UIMC1: variants seen among roughly 807,000 people sequenced by gnomAD.
UIMC1 encodes the protein ubiquitin interaction motif containing 1, also known as BRCA1-A complex subunit RAP80.
Under a neutral mutation model 84.9 loss-of-function variants are expected in UIMC1, and 42 were observed. That is an observed-to-expected ratio of 0.49 (90% confidence interval 0.39 to 0.64). The LOEUF (loss-of-function observed/expected upper bound fraction) is 0.64, where lower values mean the gene tolerates loss of function less well. Ranked by LOEUF, UIMC1 falls within the 30% of genes least tolerant of loss-of-function variation. The pLI, the probability that UIMC1 is intolerant of heterozygous loss-of-function variation, is 0.00. For synonymous variants in UIMC1, 281 were observed against 293.0 expected, an observed-to-expected ratio of 0.96 and a Z score of 0.42; for missense variants, 825 against 847.6, an observed-to-expected ratio of 0.97 and a Z score of 0.33.
chr5:176,961,541 A>AG (rs1243412029), intron 6 of UIMC1, among the ~76,000 whole-genome samples: 139 of 28,322 alleles, frequency 4.9e-3, no homozygotes, highest in African/African-American at 0.022. Flanking sequence ...GAGGGAGGTG[A>AG]GGGGGGGTCA....
chr5:176,911,170 GAAAAGAAAA>G (rs1760150511), intron 11 of UIMC1, 132 bp downstream of exon 11: 8 of 187,752 alleles, frequency 4.3e-5, no homozygotes, highest in African/African-American at 2.5e-4. Flanking sequence ...GAAAAGAAAA[GAAAAGAAAA>G]TTCAGGCATC....
chr5:177,011,857 G>A (rs1419218114), intron 1 of UIMC1, among the ~76,000 whole-genome samples: 3 of 151,456 alleles, frequency 2.0e-5, no homozygotes, highest in Non-Finnish European at 4.4e-5. Context: ...CTGGAGTGCA[G>A]TGGCACAATC....
At chr5:176,997,165 C>A (rs1050311729) in intron 1 of UIMC1, among the ~76,000 whole-genome samples, 1 of 152,004 alleles carries the variant, frequency 6.6e-6, no homozygotes, top group African/African-American at 2.4e-5. Context: ...TTTTTCATAT[C>A]CAATTCATCC....
intron 10 of UIMC1, 89 bp downstream of exon 10, chr5:176,943,246 G>A (rs1024980684): frequency 6.9e-7 from 1 of 1,442,952 alleles, no homozygotes; most frequent in Non-Finnish European, 9.2e-7. Context: ...TTGAAGAACA[G>A]CTATGTTTTT....
chr5:176,944,646 C>G (rs765891064), intron 9 of UIMC1, among the ~76,000 whole-genome samples: 6 of 152,190 alleles, frequency 3.9e-5, no homozygotes, highest in Non-Finnish European at 8.8e-5. Flanking sequence ...AACTTCAATG[C>G]ATAGAAAATG....
Position 176,905,463 on chromosome 5 carries a change from C to G in UIMC1, c.1979G>C (p.Gly660Ala). ...RVPSPGMEEA[G>A]CSREMQSSFT... is the part of the protein sequence containing the mutation. The stretch of plus-strand genomic sequence containing the variant: ...AGAACTCTGCATCTCTCTGCTGCAG[C>G]CTGCCTCTTCCATCCCTGGTGAAGG... Residue 660 changes from glycine to alanine, a missense_variant, in exon 15 of 15, where the codon GGC (glycine) becomes GCC (alanine). By Grantham distance (60) the Gly-to-Ala change is moderately conservative (BLOSUM62 0). Transcript: ENST00000511320. 6.2e-7 allele frequency: 1 copy of G among 1,614,074 alleles called. No homozygotes were observed. Among genetic ancestry groups the G allele is most frequent in the Non-Finnish European group, 8.5e-7 (1 of 1,179,992 alleles).
At chr5:176,982,221 T>C (rs1771166210) in intron 2 of UIMC1, among the ~76,000 whole-genome samples, 1 of 152,202 alleles carries the variant, frequency 6.6e-6, no homozygotes, top group Admixed American at 6.5e-5. Flanking sequence ...TTCAAATAGT[T>C]CCAAAATGCC....
intron 1 of UIMC1, among the ~76,000 whole-genome samples, chr5:176,985,004 G>A (rs917432561): frequency 6.6e-6 from 1 of 152,090 alleles, no homozygotes; most frequent in African/African-American, 2.4e-5. Context: ...CTTTGTTCAT[G>A]TGTTTATCTG....
chr5:176,925,049 A>G (rs1247266494), intron 10 of UIMC1, among the ~76,000 whole-genome samples: 1 of 151,424 alleles, frequency 6.6e-6, no homozygotes, highest in Non-Finnish European at 1.5e-5. Flanking sequence ...AAAAAAAAAG[A>G]AAGCAAAAGA....
At chr5:176,910,734 G>C (rs1470574484) in intron 11 of UIMC1, among the ~76,000 whole-genome samples, 1 of 152,162 alleles carries the variant, frequency 6.6e-6, no homozygotes, top group Non-Finnish European at 1.5e-5. Context: ...TGGCAGGATT[G>C]CTTTTAGTGT....
chr5:176,995,250 T>C (rs533909328), intron 1 of UIMC1, among the ~76,000 whole-genome samples: 1 of 152,084 alleles, frequency 6.6e-6, no homozygotes, highest in East Asian at 1.9e-4. Flanking sequence ...CATCAACAGA[T>C]GAAATGACAA....
intron 10 of UIMC1, among the ~76,000 whole-genome samples, chr5:176,939,543 G>C (rs1452936547): frequency 6.6e-6 from 1 of 152,108 alleles, no homozygotes; most frequent in African/African-American, 2.4e-5. Context: ...TGTGTTACAA[G>C]TGACTACAGT....
At chr5:176,983,781 A>G (rs974059479) in intron 1 of UIMC1, among the ~76,000 whole-genome samples, 3 of 143,594 alleles carry the variant, frequency 2.1e-5, no homozygotes, top group Admixed American at 6.9e-5. Context: ...CCCGTCTAGG[A>G]AGTGAGGAGC....
chr5:176,971,635 G>A (rs893202695), intron 3 of UIMC1, among the ~76,000 whole-genome samples: 1 of 152,142 alleles, frequency 6.6e-6, no homozygotes, highest in Non-Finnish European at 1.5e-5. Flanking sequence ...AAGGCCAGGC[G>A]TGGTGGCTCA....
At chr5:176,911,278 C>G in intron 11 of UIMC1, 33 bp downstream of exon 11, 1 of 1,562,084 alleles carries the variant, frequency 6.4e-7, no homozygotes, top group Non-Finnish European at 8.7e-7. Context: ...GTATGTTATA[C>G]AAGAGCTCCG....
At chr5:177,001,707 G>A (rs1003364663) in intron 1 of UIMC1, among the ~76,000 whole-genome samples, 3 of 151,358 alleles carry the variant, frequency 2.0e-5, no homozygotes, top group South Asian at 2.1e-4. Context: ...GGGAGGCTGA[G>A]GGGGGGCGGA....
At chr5:176,941,362 T>A (rs1441720400) in intron 10 of UIMC1, among the ~76,000 whole-genome samples, 2 of 152,206 alleles carry the variant, frequency 1.3e-5, no homozygotes, top group Non-Finnish European at 1.5e-5. Context: ...GAGAGCTATA[T>A]ATAGCATGGT....
intron 3 of UIMC1, among the ~76,000 whole-genome samples, chr5:176,974,626 G>A (rs914059862): frequency 2.0e-5 from 3 of 151,970 alleles, no homozygotes; most frequent in Non-Finnish European, 2.9e-5. Flanking sequence ...CGGGTGGATC[G>A]CTTGAGGTCA....
chr5:176,985,325 G>C (rs557131177), intron 1 of UIMC1, among the ~76,000 whole-genome samples: 1 of 151,726 alleles, frequency 6.6e-6, no homozygotes, highest in African/African-American at 2.4e-5. Context: ...GCGTGGTAGC[G>C]CATGCCTGTA....
Sources: gnomAD v4.1 joint callset for allele counts (sites outside exome capture counted in the v4.1 genomes callset) on GRCh38, gnomAD v4.1.1 for gene constraint, MANE v1.5 for transcripts, NCBI Gene and HGNC (gene_info 2026-07-23, HGNC 2026-07-21) for gene names.